GID4: variants seen among roughly 807,000 people sequenced by gnomAD.
GID4 encodes glucose-induced degradation protein 4 homolog.
GID4 carries 7 observed loss-of-function variants against 32.4 expected under a neutral mutation model. The ratio of observed to expected loss-of-function variants is 0.22; its 90% confidence interval spans 0.12 to 0.41. The LOEUF (loss-of-function observed/expected upper bound fraction) is 0.41, where lower values mean the gene tolerates loss of function less well. GID4 is among the 10% of genes least tolerant of loss of function. GID4 has a pLI of 1.00. For synonymous variants in GID4, 166 were observed against 170.0 expected (o/e 0.98, Z 0.18); for missense variants, 309 against 400.0 (o/e 0.77, Z 1.94).
intron 2 of GID4, among the ~76,000 whole-genome samples, chr17:18,048,482 C>T (rs980235931): frequency 3.3e-5 from 5 of 152,248 alleles, no homozygotes; most frequent in East Asian, 1.9e-4. Flanking sequence ...CGTGAGCCAA[C>T]GCACCCAGCC....
At position 18,068,390 on chromosome 17, in the gene GID4, G is replaced by A. The variant is rs1438680001; in HGVS notation, c.*3147G>A. 1 of 148,842 alleles carries A rather than the reference G, an allele frequency of 6.7e-6. No homozygotes were observed. Among genetic ancestry groups the A allele is most frequent in the African/African-American group, 2.5e-5 (1 of 40,290 alleles). The allele number at this position is 148,842 out of a possible 1,614,324, so 9.2% of individuals were successfully genotyped here. ...CAAATAATTTAAAAAAAAAAATAAA[G>A]GTATTTAAGCAGTGAGTTTGTCCTA... On this transcript the variant is annotated 3_prime_UTR_variant, in exon 6 of 6. Transcript: ENST00000268719.
chr17:18,043,053 T>C (rs999956632), intron 1 of GID4, among the ~76,000 whole-genome samples: 1 of 152,216 alleles, frequency 6.6e-6, no homozygotes, highest in Non-Finnish European at 1.5e-5. Flanking sequence ...CTCTGCCATC[T>C]AAGAAGCCAG....
chr17:18,059,194 G>A (rs1165539732), intron 4 of GID4, among the ~76,000 whole-genome samples: 2 of 152,198 alleles, frequency 1.3e-5, no homozygotes, highest in Non-Finnish European at 2.9e-5. Context: ...TCCTCGCTGT[G>A]CTTTTGGTGG....
chr17:18,058,990 C>G, intron 4 of GID4, 21 bp downstream of exon 4: 1 of 1,415,844 alleles, frequency 7.1e-7, no homozygotes, highest in Middle Eastern at 1.8e-4. Flanking sequence ...ACCAGGTGGC[C>G]CTCCAGACTC....
intron 1 of GID4, among the ~76,000 whole-genome samples, chr17:18,042,896 G>T (rs1240237632): frequency 6.6e-6 from 1 of 152,170 alleles, no homozygotes; most frequent in East Asian, 1.9e-4. Context: ...CTGTGCTGTT[G>T]TGCATCTTTT....
chr17:18,055,916 G>A (rs1352782783), intron 3 of GID4, among the ~76,000 whole-genome samples: 3 of 152,204 alleles, frequency 2.0e-5, no homozygotes, highest in Non-Finnish European at 4.4e-5. Context: ...TCGGCTCACT[G>A]CAACCTCTGC....
Position 18,039,991 on chromosome 17 carries a change from G to A in GID4, c.438+89G>A, listed in dbSNP as rs2044774263. Reference sequence around the variant, plus strand: ...TCGGCTCCTCGACCCCGCAGCCGCGGAACAGGCCCTCGCCGCCGGGGCCTC... The same window carrying A: ...TCGGCTCCTCGACCCCGCAGCCGCGAAACAGGCCCTCGCCGCCGGGGCCTC... On this transcript the variant is annotated intron_variant, in intron 1 of 5. Transcript: ENST00000268719. This position sits in a 1 kb window ranked among gnomAD's most constrained non-coding sequence, Gnocchi z 5.3. The A allele has an allele frequency of 1.6e-6, 2 of 1,260,524 alleles. No homozygotes were observed. The highest frequency in any genetic ancestry group is 3.1e-5 in the African/African-American group (2 of 64,026). The allele number at this position is 1,260,524 out of a possible 1,614,324, so 78.1% of individuals were successfully genotyped here.
At chr17:18,057,000 G>C in intron 3 of GID4, 1 of 1,547,658 alleles carries the variant, frequency 6.5e-7, no homozygotes, top group Non-Finnish European at 8.7e-7. Flanking sequence ...ACTTCACCTA[G>C]GCTGTCATTT....
chr17:18,056,673 A>G, intron 3 of GID4: 3 of 1,539,394 alleles, frequency 1.9e-6, no homozygotes, highest in Non-Finnish European at 2.6e-6. Flanking sequence ...TTGGAAAGCA[A>G]CTCTTAATTT....
At chr17:18,045,282 G>A in intron 2 of GID4, 76 bp downstream of exon 2, 1 of 1,185,482 alleles carries the variant, frequency 8.4e-7, no homozygotes, top group Non-Finnish European at 1.2e-6. Flanking sequence ...TTCAGGGCAG[G>A]CGGTCTCAAC....
At chr17:18,063,631 C>T (rs2955370) in intron 5 of GID4, among the ~76,000 whole-genome samples, 90,298 of 152,076 alleles carry the variant, frequency 0.59, 27,944 homozygotes, top group Non-Finnish European at 0.68. Flanking sequence ...CTACAAAATA[C>T]GGCCCTTGCT....
intron 3 of GID4, chr17:18,057,173 T>C (rs907086155): frequency 2.8e-6 from 3 of 1,070,540 alleles, no homozygotes; most frequent in Non-Finnish European, 3.9e-6. Context: ...GGCTCATGCC[T>C]GTAATGCCAG....
At chr17:18,057,114 A>C (rs1299393199) in intron 3 of GID4, 1 of 1,459,176 alleles carries the variant, frequency 6.9e-7, no homozygotes, top group Non-Finnish European at 9.1e-7. Context: ...AGGATTCCAT[A>C]TATTCAGTCT....
At position 18,068,169 on chromosome 17, in the gene GID4, CTG is replaced by C. The variant is rs1262303547; in HGVS notation, c.*2930_*2931del. 3 of 152,466 alleles carry C rather than the reference CTG, an allele frequency of 2.0e-5. No individual in the cohort carries two copies. The highest frequency in any genetic ancestry group is 2.1e-4 in the South Asian group (1 of 4,822). 9.4% of individuals were successfully genotyped at this position (152,466 alleles called of 1,614,324 possible). ...AATTTTTAAAAAGAAATGCCATTAACTGTGTTGTATCGTGGTTTAAAATTACT... is the reference window on the plus strand; with the variant it reads ...AATTTTTAAAAAGAAATGCCATTAACTGTTGTATCGTGGTTTAAAATTACT... On this transcript the variant is annotated 3_prime_UTR_variant, in exon 6 of 6. Transcript: ENST00000268719.
intron 3 of GID4, chr17:18,057,150 C>T (rs1234258859): frequency 7.8e-7 from 1 of 1,283,932 alleles, no homozygotes; most frequent in Non-Finnish European, 1.0e-6. Context: ...GTCTATGTGA[C>T]ACCAGGTGTG....
intron 2 of GID4, among the ~76,000 whole-genome samples, chr17:18,047,739 G>A (rs993370833): frequency 3.3e-5 from 5 of 152,182 alleles, no homozygotes; most frequent in Non-Finnish European, 4.4e-5. Flanking sequence ...GGGGTGTTGC[G>A]TTAAAGCAAG....
rs528481715 is a variant in GID4, at chr17:18,053,130, C to T, written c.499-997C>T. 5.4e-5 allele frequency among the ~76,000 whole-genome samples: 8 copies of T among 147,236 alleles called. No homozygotes were observed. The South Asian group carries it at 1.5e-3, about 27-fold the overall frequency. ...TCCAGGTTCAAGCAATCTCCTGCCT[C>T]AGCCTCCCGAGTAGGTGGGATTACA... is the stretch of plus-strand genomic sequence containing the variant. On this transcript the variant is annotated intron_variant, in intron 2 of 5. Coordinates refer to ENST00000268719, the MANE Select transcript of GID4 (RefSeq NM_024052.5).
At chr17:18,058,032 A>G (rs2044985526) in intron 3 of GID4, among the ~76,000 whole-genome samples, 1 of 152,126 alleles carries the variant, frequency 6.6e-6, no homozygotes, top group African/African-American at 2.4e-5. Flanking sequence ...ACAGGGTTTC[A>G]TCGTGTTAGC....
intron 2 of GID4, among the ~76,000 whole-genome samples, chr17:18,046,016 T>G (rs1304716273): frequency 6.6e-6 from 1 of 152,224 alleles, no homozygotes; most frequent in Non-Finnish European, 1.5e-5. Flanking sequence ...CTCCTGGGAC[T>G]TTAGAAAGCA....
Sources: gnomAD v4.1 joint callset for allele counts (sites outside exome capture counted in the v4.1 genomes callset) on GRCh38, gnomAD v4.1.1 for gene constraint, Gnocchi (gnomAD v3.1) non-coding constraint, MANE v1.5 for transcripts, NCBI Gene and HGNC (gene_info 2026-07-23, HGNC 2026-07-21) for gene names.